LYSMD4: variants seen among roughly 807,000 people sequenced by gnomAD.
LYSMD4 encodes LysM domain containing 4, also known as lysM and putative peptidoglycan-binding domain-containing protein 4.
Under a neutral mutation model 6.1 loss-of-function variants are expected in LYSMD4, and 9 were observed. The ratio of observed to expected loss-of-function variants is 1.47; its 90% CI spans 0.88 to 2.56. The LOEUF (loss-of-function observed/expected upper bound fraction) is 2.56, where lower values mean the gene tolerates loss of function less well. LYSMD4 is among the 30% of genes most tolerant of loss of function. The probability of loss-of-function intolerance (pLI) is 0.00; values close to 1 mark genes in which losing one functional copy is unlikely to be tolerated. For synonymous variants in LYSMD4, 143 were observed against 148.5 expected, an observed-to-expected ratio of 0.96 and a Z score of 0.27; for missense variants, 384 against 373.5, an observed-to-expected ratio of 1.03 and a Z score of -0.23.
chr15:99,725,055 T>C (rs2059267026), downstream of LYSMD4, among the ~76,000 whole-genome samples: 1 of 152,178 alleles, frequency 6.6e-6, no homozygotes, highest in Non-Finnish European at 1.5e-5. Flanking sequence ...AGCCATAACC[T>C]GTCTCTGGAA....
rs542012794 is a variant in LYSMD4 at position 99,731,264 on chromosome 15, C to T, written c.282+454G>A. The T allele has an allele frequency of 4.1e-5, 65 of 1,602,490 alleles. 1 individual carries two copies. The South Asian group carries it at 5.1e-4, about 13-fold the overall frequency. The stretch of plus-strand genomic sequence containing the variant: ...ACAGCATACAAAAGACCATGCAGTT[C>T]TAAACGAGAGAAGGTAAAACTTTAC... On this transcript the variant is annotated intron_variant, in intron 2 of 2. Transcript: ENST00000684762.
downstream of LYSMD4, among the ~76,000 whole-genome samples, chr15:99,727,058 C>T (rs115203641): frequency 7.4e-3 from 1,122 of 152,198 alleles, 20 homozygotes; most frequent in African/African-American, 0.025. Context: ...CATCTTTTAA[C>T]GCTAAATTAT....
rs138693626 is a variant in LYSMD4 at position 99,728,274 on chromosome 15, C to T, written c.*849G>A. 6.6e-6 allele frequency: 1 copy of T among 152,328 alleles called. No individual in the cohort carries two copies. Among genetic ancestry groups the T allele is most frequent in the African/African-American group, 2.4e-5 (1 of 41,434 alleles). 9.4% of individuals were successfully genotyped at this position (152,328 alleles called of 1,614,324 possible). A position where few individuals can be genotyped will look rare whatever the true frequency, so the allele number is the denominator to read the frequency against. ...CTCTCAGCACAGGCCTGACGACCGC[C>T]CAGCTTCAGACGCCAACCATAGTGA... is the stretch of plus-strand genomic sequence containing the variant. On this transcript the variant is annotated 3_prime_UTR_variant, in exon 3 of 3. Transcript: ENST00000684762.
intron 1 of LYSMD4, 22 bp from the exon 2 acceptor site, chr15:99,732,029 T>G (rs747148072): frequency 6.5e-6 from 10 of 1,531,360 alleles, no homozygotes; most frequent in Non-Finnish European, 7.9e-6. Flanking sequence ...GCCGGAGGGT[T>G]AATTCCACAG....
chr15:99,718,741 C>T (rs1246483408), upstream of LYSMD4, among the ~76,000 whole-genome samples: 1 of 152,234 alleles, frequency 6.6e-6, no homozygotes, highest in Admixed American at 6.5e-5. Flanking sequence ...GCTCCACACT[C>T]ATCTTGTGGT....
chr15:99,729,142 G>A lies in LYSMD4; in HGVS notation c.872C>T (p.Thr291Ile), dbSNP rs1454461792. 1.9e-6 allele frequency: 3 copies of A among 1,613,496 alleles called. No individual in the cohort carries two copies. Among genetic ancestry groups the A allele is most frequent in the Non-Finnish European group, 1.7e-6 (2 of 1,179,508 alleles). Reference protein sequence around the residue: ...VTSADSQFSQTTQAGS With the variant: ...VTSADSQFSQITQAGS The stretch of plus-strand genomic sequence containing the variant: ...CAAAGCTTAGCTCCCCGCTTGGGTG[G>A]TCTGACTGAACTGGCTGTCTGCAGA... Residue 291 changes from threonine to isoleucine, a missense_variant, in exon 3 of 3, where the codon ACC (threonine) becomes ATC (isoleucine). Physicochemically the swap from Thr to Ile is moderately conservative, Grantham distance 89. Coordinates refer to ENST00000684762, the MANE Select transcript of LYSMD4 (RefSeq NM_001284417.2).
chr15:99,722,057 G>A (rs116904188), upstream of LYSMD4, among the ~76,000 whole-genome samples: 96 of 152,224 alleles, frequency 6.3e-4, 1 homozygote, highest in Middle Eastern at 6.8e-3. Flanking sequence ...GTACTGGCCT[G>A]TACATGCATG....
intron 1 of LYSMD4, among the ~76,000 whole-genome samples, chr15:99,732,529 G>GTT (rs1390758638): frequency 6.6e-6 from 1 of 152,252 alleles, no homozygotes; most frequent in African/African-American, 2.4e-5. Flanking sequence ...TTAACTCACA[G>GTT]TATGTGGGGC....
rs78284811 is a variant in LYSMD4, at chr15:99,727,890, C to A, written c.*1233G>T. ...GCCGGGCCAGCAGCCATCTCAGCCC[C>A]TCCCACCCCTCCATGCCACAGGGCA... is the stretch of plus-strand genomic sequence containing the variant. On this transcript the variant is annotated 3_prime_UTR_variant, in exon 3 of 3. Coordinates refer to ENST00000684762, the MANE Select transcript of LYSMD4 (RefSeq NM_001284417.2). 0.026 allele frequency: 3,995 copies of A among 152,760 alleles called. 59 individuals are homozygous for A. The highest frequency in any genetic ancestry group is 0.11 in the Middle Eastern group (32 of 296). The allele number at this position is 152,760 out of a possible 1,614,324, so 9.5% of individuals were successfully genotyped here.
intron 2 of LYSMD4, among the ~76,000 whole-genome samples, chr15:99,730,901 A>G (rs143264893): frequency 1.4e-4 from 22 of 152,338 alleles, no homozygotes; most frequent in African/African-American, 1.7e-4. Flanking sequence ...TATCGGAGCC[A>G]AATATAATTG....
intron 1 of LYSMD4, among the ~76,000 whole-genome samples, chr15:99,732,341 A>G (rs889098582): frequency 1.7e-4 from 26 of 152,234 alleles, no homozygotes; most frequent in African/African-American, 6.3e-4. Context: ...AGATCCTTGC[A>G]ATGGCAAGTA....
At position 99,731,789 on chromosome 15, in the gene LYSMD4, C is replaced by T; in HGVS notation, c.211G>A (p.Val71Met). 6.8e-6 allele frequency: 11 copies of T among 1,611,948 alleles called. No individual in the cohort carries two copies. The highest frequency in any genetic ancestry group is 1.1e-5 in the South Asian group (1 of 90,972). Residue 71 changes from valine to methionine, a missense_variant, in exon 2 of 3, where the codon GTG (valine) becomes ATG (methionine). Val to Met is a conservative substitution (Grantham distance 21, BLOSUM62 1). Transcript: ENST00000684762. ...GCCAGCTCCCGCTGCAGCAGCACCA[C>T]GTCACCTGCTCCCGCCTGGGGAGGC... Reference protein sequence around the residue: ...HQPPQAGAGDVVLLQRELAQE... With the variant: ...HQPPQAGAGDMVLLQRELAQE...
rs989982636 is a variant in LYSMD4 at position 99,728,749 on chromosome 15, C to T, written c.*374G>A. 1 of 250,940 alleles carries T rather than the reference C, an allele frequency of 4.0e-6. No individual in the cohort carries two copies. Among genetic ancestry groups the T allele is most frequent in the Admixed American group, 4.7e-5 (1 of 21,386 alleles). The allele number at this position is 250,940 out of a possible 1,614,324, so 15.5% of individuals were successfully genotyped here. A position where few individuals can be genotyped will look rare whatever the true frequency, so the allele number is the denominator to read the frequency against. ...GATACAGCAAGAGCCAGGCAAGCCGCGCAGATGCCACTGGCTCTCACGCTG... is the reference window on the plus strand; with the variant it reads ...GATACAGCAAGAGCCAGGCAAGCCGTGCAGATGCCACTGGCTCTCACGCTG... On this transcript the variant is annotated 3_prime_UTR_variant, in exon 3 of 3. Coordinates refer to ENST00000684762, the MANE Select transcript of LYSMD4 (RefSeq NM_001284417.2).
At chr15:99,722,089 GAA>G (rs149486587), upstream of LYSMD4, among the ~76,000 whole-genome samples, 934 of 152,298 alleles carry the variant, frequency 6.1e-3, 10 homozygotes, top group African/African-American at 0.021. Flanking sequence ...CAGAGTCAAG[GAA>G]AAGAGCCAAC....
exon 1 of LYSMD4, chr15:99,716,653 C>T (rs748309827): frequency 7.1e-5 from 32 of 453,460 alleles, no homozygotes; most frequent in South Asian, 3.3e-4. Context: ...ACCGTCCCAA[C>T]GCCCCCACTG....
chr15:99,729,350 C>T lies in LYSMD4; in HGVS notation c.664G>A (p.Val222Ile). 1 of 1,614,228 alleles carries T rather than the reference C, an allele frequency of 6.2e-7. No individual in the cohort carries two copies. The highest frequency in any genetic ancestry group is 8.5e-7 in the Non-Finnish European group (1 of 1,180,034). Reference protein sequence around the residue: ...ADCGIQWWNAVFIMLLIGIVL... With the variant: ...ADCGIQWWNAIFIMLLIGIVL... ...ATACCAATCAGCAGCATGATGAAAACAGCATTCCACCACTGAATGCCACAA... is the reference window on the plus strand; with the variant it reads ...ATACCAATCAGCAGCATGATGAAAATAGCATTCCACCACTGAATGCCACAA... The change falls in exon 3 of 3, where the codon GTT (valine) becomes ATT (isoleucine). Residue 222 changes from valine to isoleucine, a missense_variant. By Grantham distance (29) the Val-to-Ile change is conservative. Coordinates refer to ENST00000684762, the MANE Select transcript of LYSMD4 (RefSeq NM_001284417.2).
exon 1 of LYSMD4, chr15:99,716,852 G>GT (rs1002511543): frequency 3.9e-5 from 14 of 359,792 alleles, no homozygotes; most frequent in African/African-American, 2.6e-4. Flanking sequence ...GTTAGAGGGG[G>GT]TGGGTATGTT....
chr15:99,721,887 C>T (rs997740687), upstream of LYSMD4, among the ~76,000 whole-genome samples: 10 of 152,128 alleles, frequency 6.6e-5, no homozygotes, highest in African/African-American at 2.4e-4. Context: ...CCCAGCTCAC[C>T]GCCTGCAGGG....
In LYSMD4 at chr15:99,728,134, G is replaced by A. The variant is rs2059312708; in HGVS notation, c.*989C>T. 1 of 152,332 alleles carries A rather than the reference G, an allele frequency of 6.6e-6. No individual in the cohort carries two copies. Among genetic ancestry groups the A allele is most frequent in the African/African-American group, 2.4e-5 (1 of 41,456 alleles). The allele number at this position is 152,332 out of a possible 1,614,324, so 9.4% of individuals were successfully genotyped here. A position where few individuals can be genotyped will look rare whatever the true frequency, so the allele number is the denominator to read the frequency against. On this transcript the variant is annotated 3_prime_UTR_variant, in exon 3 of 3. Transcript: ENST00000684762. ...TACATTGCATATAGTGTTATTCTAA[G>A]GGCATCACCCAGAGAAAAAGGACGA... is the stretch of plus-strand genomic sequence containing the variant.
Sources: gnomAD v4.1 joint callset for allele counts (sites outside exome capture counted in the v4.1 genomes callset) on GRCh38, gnomAD v4.1.1 for gene constraint, MANE v1.5 for transcripts, NCBI Gene and HGNC (gene_info 2026-07-23, HGNC 2026-07-21) for gene names.